ASGR2: variants seen among roughly 807,000 people sequenced by gnomAD.
The protein encoded by ASGR2 is asialoglycoprotein receptor 2.
A neutral mutation model predicts 32.3 loss-of-function variants in ASGR2; 34 were observed. That is an observed-to-expected ratio of 1.05 (90% CI 0.80 to 1.40). ASGR2 has a LOEUF of 1.40. Among genes scored for constraint, ASGR2 ranks in the 40% most tolerant of loss-of-function variants. The pLI, the probability that ASGR2 is intolerant of heterozygous loss-of-function variation, is 0.00. For synonymous variants in ASGR2, 143 were observed against 150.0 expected (o/e 0.95, Z 0.34); for missense variants, 385 against 386.4 (o/e 1.00, Z 0.03).
rs765120158 is a variant in ASGR2, at chr17:7,107,002, G to C, written c.646C>G (p.Gln216Glu). 3 of 1,614,074 alleles carry C rather than the reference G, an allele frequency of 1.9e-6. No homozygotes were observed. In the South Asian group the frequency reaches 3.3e-5, roughly 18 times the overall value. ...HLVVINSWEE[Q>E]KFIVQHTNPF... Reference sequence around the variant, plus strand: ...GCCTGTGGGAAGCGTGGCCTCACCTGCTCCTCCCAGGAGTTGATGACCACC... The same window carrying C: ...GCCTGTGGGAAGCGTGGCCTCACCTCCTCCTCCCAGGAGTTGATGACCACC... Residue 216 changes from glutamine (Q) to glutamate (E), a missense_variant and splice_region_variant, in exon 7 of 9, where the codon CAG becomes GAG. Transcript: ENST00000691900. This position sits in a 1 kb window ranked among gnomAD's most constrained non-coding sequence, Gnocchi z 5.0.
intron 7 of ASGR2, among the ~76,000 whole-genome samples, chr17:7,106,678 C>T (rs1176711934): frequency 6.6e-6 from 1 of 151,854 alleles, no homozygotes; most frequent in Admixed American, 6.6e-5. Flanking sequence ...CGGAGGTGGG[C>T]GGATCATGAG....
At position 7,114,225 on chromosome 17, in the gene ASGR2, GA is replaced by G; in HGVS notation, c.15del (p.Gln6LysfsTer6). On this transcript the variant is annotated frameshift_variant, in exon 2 of 9. Coordinates refer to ENST00000691900, the MANE Select transcript of ASGR2 (RefSeq NM_001201352.2). LOFTEE classifies it high-confidence loss of function. This position sits in a 1 kb window ranked among gnomAD's most constrained non-coding sequence, Gnocchi z 4.5. ...TCCGAGCTCAGCTGCTGGATATCTT[GA>G]AAGTCCTTGGCCATGATGGGGCCCG... Reference protein sequence around the residue: MAKDFQDIQQLSSEE... With the variant: MAKDXQDIQQLSSEE... The G allele has an allele frequency of 6.2e-7, 1 of 1,614,106 alleles. No homozygotes were observed.
intron 7 of ASGR2, among the ~76,000 whole-genome samples, chr17:7,104,494 A>C (rs1350895309): frequency 1.3e-5 from 2 of 151,598 alleles, no homozygotes; most frequent in East Asian, 3.9e-4. Flanking sequence ...TCTACTAAAA[A>C]TATAAATATT....
At position 7,101,415 on chromosome 17, in the gene ASGR2, G is replaced by C. The variant is rs928973636; in HGVS notation, c.*160C>G. On this transcript the variant is annotated 3_prime_UTR_variant, in exon 9 of 9. Transcript: ENST00000691900. ...AATTACAGAAGGAGGTGGGATCTCA[G>C]TCCTCCAGGGTCAGGGACTCTTAAA... is the stretch of plus-strand genomic sequence containing the variant. 2.4e-6 allele frequency: 2 copies of C among 847,502 alleles called. No homozygotes were observed. The highest frequency in any genetic ancestry group is 3.5e-6 in the Non-Finnish European group (2 of 575,098). The allele number at this position is 847,502 out of a possible 1,614,324, so 52.5% of individuals were successfully genotyped here.
chr17:7,102,670 C>T (rs773212325), intron 7 of ASGR2, among the ~76,000 whole-genome samples: 1 of 152,186 alleles, frequency 6.6e-6, no homozygotes, highest in Admixed American at 6.5e-5. Flanking sequence ...TTACTGCCCC[C>T]CAGACCCCAG....
In ASGR2 at chr17:7,108,373, C is replaced by T. The variant is rs945708925; in HGVS notation, c.337+89G>A. Reference sequence around the variant, plus strand: ...ACGCCTTGCCCAGCCTGCACCCCCACGGCACCCCACACAGCCCTGTTGCAG... The same window carrying T: ...ACGCCTTGCCCAGCCTGCACCCCCATGGCACCCCACACAGCCCTGTTGCAG... On this transcript the variant is annotated intron_variant, in intron 4 of 8. Coordinates refer to ENST00000691900, the MANE Select transcript of ASGR2 (RefSeq NM_001201352.2). This position sits in a 1 kb window ranked among gnomAD's most constrained non-coding sequence, Gnocchi z 4.9. 15 of 1,381,160 alleles carry T rather than the reference C, an allele frequency of 1.1e-5. No individual in the cohort carries two copies. Among genetic ancestry groups the T allele is most frequent in the Admixed American group, 4.3e-5 (2 of 46,814 alleles). 85.6% of individuals were successfully genotyped at this position (1,381,160 alleles called of 1,614,324 possible).
In ASGR2 at chr17:7,107,791, G is replaced by A. The variant is rs375289607; in HGVS notation, c.409+45C>T. The A allele has an allele frequency of 2.3e-5, 35 of 1,497,864 alleles. No individual in the cohort carries two copies. In the Admixed American group the frequency reaches 3.3e-4, roughly 14 times the overall value. The allele number at this position is 1,497,864 out of a possible 1,614,324, so 92.8% of individuals were successfully genotyped here. A position where few individuals can be genotyped will look rare whatever the true frequency, so the allele number is the denominator to read the frequency against. On this transcript the variant is annotated intron_variant, in intron 5 of 8. Coordinates refer to ENST00000691900, the MANE Select transcript of ASGR2 (RefSeq NM_001201352.2). The surrounding 1 kb of genome is among the most constrained non-coding windows in gnomAD (Gnocchi z 5.0). ...CGTACACACTACACACACCGCACAC[G>A]TACACATGCACGCACATGCGCACAC...
upstream of ASGR2, chr17:7,114,939 CCA>C (rs3214729): frequency 0.17 from 169,756 of 985,102 alleles, 15,339 homozygotes; most frequent in East Asian, 0.19. The surrounding 1 kb of genome is among the most constrained non-coding windows in gnomAD (Gnocchi z 4.5). Context: ...ACTCCACACG[CCA>C]CTCACCCCAC....
rs1348107260 is a variant in ASGR2, at chr17:7,107,331, G to A, written c.410-14C>T. The A allele has an allele frequency of 1.2e-6, 2 of 1,610,402 alleles. No homozygotes were observed. The highest frequency in any genetic ancestry group is 1.7e-5 in the Admixed American group (1 of 59,952). On this transcript the variant is annotated splice_polypyrimidine_tract_variant and intron_variant, in intron 5 of 8. Coordinates refer to ENST00000691900, the MANE Select transcript of ASGR2 (RefSeq NM_001201352.2). The surrounding 1 kb of genome is among the most constrained non-coding windows in gnomAD (Gnocchi z 5.0). ...GGGCATCGTGATCTAGGACAGACAG[G>A]CTGAAAGTGCTGCCGGCAGGTGTGG...
intron 2 of ASGR2, 115 bp from the exon 3 acceptor site, chr17:7,109,003 T>TGGG (rs147076472): frequency 9.3e-5 from 34 of 364,578 alleles, no homozygotes; most frequent in African/African-American, 7.9e-4. Context: ...GTTGGGGCCA[T>TGGG]GGGGGGGGGT....
Position 7,102,143 on chromosome 17 carries a change from G to T in ASGR2, c.702C>A (p.Asp234Glu), listed in dbSNP as rs1198792667. ...NPFNTWIGLT[D>E]SDGSWKWVDG... Reference sequence around the variant, plus strand: ...CCACCCATTTCCAAGAGCCATCACTGTCCGTGAGACCTATCCAGGTATTGA... The same window carrying T: ...CCACCCATTTCCAAGAGCCATCACTTTCCGTGAGACCTATCCAGGTATTGA... The change falls in exon 8 of 9, where the codon GAC becomes GAA. Residue 234 changes from aspartate (D) to glutamate (E), a missense_variant. Physicochemically the swap from Asp to Glu is conservative, Grantham distance 45. Transcript: ENST00000691900. 1 of 1,614,082 alleles carries T rather than the reference G, an allele frequency of 6.2e-7. No individual in the cohort carries two copies.
In ASGR2 at chr17:7,107,764, C is replaced by G. The variant is rs761978904; in HGVS notation, c.409+72G>C. The G allele has an allele frequency of 8.1e-6, 1 of 123,552 alleles. No homozygotes were observed. The highest frequency in any genetic ancestry group is 1.6e-5 in the Non-Finnish European group (1 of 60,798). 7.7% of individuals were successfully genotyped at this position (123,552 alleles called of 1,614,324 possible). A position where few individuals can be genotyped will look rare whatever the true frequency, so the allele number is the denominator to read the frequency against. On this transcript the variant is annotated intron_variant, in intron 5 of 8. Coordinates refer to ENST00000691900, the MANE Select transcript of ASGR2 (RefSeq NM_001201352.2). This position sits in a 1 kb window ranked among gnomAD's most constrained non-coding sequence, Gnocchi z 5.0. ...ACACGTGCACACTACACACACCGCA[C>G]ACGTACACACTACACACACCGCACA...
intron 7 of ASGR2, among the ~76,000 whole-genome samples, chr17:7,104,562 G>T (rs1261377127): frequency 1.3e-5 from 2 of 151,924 alleles, no homozygotes; most frequent in Non-Finnish European, 2.9e-5. Flanking sequence ...TGAGGCAGGA[G>T]AATTGCTTGA....
At position 7,107,459 on chromosome 17, in the gene ASGR2, A is replaced by C; in HGVS notation, c.410-142T>G. On this transcript the variant is annotated intron_variant, in intron 5 of 8. Transcript: ENST00000691900. The surrounding 1 kb of genome is among the most constrained non-coding windows in gnomAD (Gnocchi z 5.0). ...CCACACACCATACCACACACACACCACAGACATGTACACCACACATAGACC... is the reference window on the plus strand; with the variant it reads ...CCACACACCATACCACACACACACCCCAGACATGTACACCACACATAGACC... 1.3e-6 allele frequency: 1 copy of C among 790,836 alleles called. No individual in the cohort carries two copies. The highest frequency in any genetic ancestry group is 2.1e-6 in the Non-Finnish European group (1 of 484,264). 49.0% of individuals were successfully genotyped at this position (790,836 alleles called of 1,614,324 possible).
chr17:7,104,104 T>C (rs1232323646), intron 7 of ASGR2, among the ~76,000 whole-genome samples: 1 of 149,682 alleles, frequency 6.7e-6, no homozygotes, highest in Non-Finnish European at 1.5e-5. Context: ...ATCCCAGCAC[T>C]ATGGGAGGCC....
In ASGR2 at chr17:7,107,402, C is replaced by A; in HGVS notation, c.410-85G>T. ...GCCTGTGGCTGGGGAAGCATATACA[C>A]CCACAGACACGTACACCATGCATAG... On this transcript the variant is annotated intron_variant, in intron 5 of 8. Transcript: ENST00000691900. The surrounding 1 kb of genome is among the most constrained non-coding windows in gnomAD (Gnocchi z 5.0). The A allele has an allele frequency of 7.2e-7, 1 of 1,385,312 alleles. No individual in the cohort carries two copies. Among genetic ancestry groups the A allele is most frequent in the Non-Finnish European group, 1.0e-6 (1 of 1,000,500 alleles). The allele number at this position is 1,385,312 out of a possible 1,614,324, so 85.8% of individuals were successfully genotyped here.
chr17:7,105,847 GGC>G (rs1381468240), intron 7 of ASGR2, among the ~76,000 whole-genome samples: 1 of 148,070 alleles, frequency 6.8e-6, no homozygotes, highest in African/African-American at 2.5e-5. Flanking sequence ...GGAGTATAAT[GGC>G]GCAGTCTCAG....
rs559910098 is a variant in ASGR2, at chr17:7,104,573, A to G, written c.649-2377T>C. Among the ~76,000 whole-genome samples the G allele has an allele frequency of 3.2e-4, 49 of 151,430 alleles. No homozygotes were observed. The South Asian group carries it at 9.4e-3, about 29-fold the overall frequency. ...AGACTGAGGCAGGAGAATTGCTTGAACCGGGAGGCAGAGCTTGCAATGAGT... is the reference window on the plus strand; with the variant it reads ...AGACTGAGGCAGGAGAATTGCTTGAGCCGGGAGGCAGAGCTTGCAATGAGT... On this transcript the variant is annotated intron_variant, in intron 7 of 8. Transcript: ENST00000691900.
upstream of ASGR2, chr17:7,115,061 G>A (rs1038486251): frequency 1.1e-5 from 10 of 950,176 alleles, no homozygotes; most frequent in African/African-American, 1.2e-4. This position sits in a 1 kb window ranked among gnomAD's most constrained non-coding sequence, Gnocchi z 4.2. Flanking sequence ...TACCAGAACT[G>A]TGGGTGTCTC....
Sources: gnomAD v4.1 joint callset for allele counts (sites outside exome capture counted in the v4.1 genomes callset) on GRCh38, gnomAD v4.1.1 for gene constraint, Gnocchi (gnomAD v3.1) non-coding constraint, MANE v1.5 for transcripts, NCBI Gene and HGNC (gene_info 2026-07-23, HGNC 2026-07-21) for gene names.